NAALADL2: variants seen among roughly 807,000 people sequenced by gnomAD.
NAALADL2 encodes the protein N-acetylated alpha-linked acidic dipeptidase like 2, also known as inactive N-acetylated-alpha-linked acidic dipeptidase-like protein 2.
Under a neutral mutation model 87.2 loss-of-function variants are expected in NAALADL2, and 76 were observed. The ratio of observed to expected loss-of-function variants is 0.87; its 90% confidence interval spans 0.72 to 1.05. NAALADL2 has a LOEUF of 1.05. NAALADL2 is among the 50% of genes least tolerant of loss of function. The pLI, the probability that NAALADL2 is intolerant of heterozygous loss-of-function variation, is 0.00. For synonymous variants in NAALADL2, 354 were observed against 331.0 expected (o/e 1.07, Z -0.75); for missense variants, 1,089 against 945.8 (o/e 1.15, Z -1.99).
chr3:175,638,358 T>A (rs1474909195), intron 11 of NAALADL2, among the ~76,000 whole-genome samples: 1 of 152,216 alleles, frequency 6.6e-6, no homozygotes, highest in Non-Finnish European at 1.5e-5. Context: ...TCTTCAAAGA[T>A]AGAAGACTCA....
chr3:174,838,746 A>T (rs1240591513), intron 3 of NAALADL2, among the ~76,000 whole-genome samples: 2 of 152,118 alleles, frequency 1.3e-5, no homozygotes, highest in Non-Finnish European at 2.9e-5. Flanking sequence ...ATTTTACAAT[A>T]GCTGCAAAAA....
intron 10 of NAALADL2, among the ~76,000 whole-genome samples, chr3:175,606,377 A>G (rs944732077): frequency 7.4e-5 from 9 of 122,008 alleles, no homozygotes; most frequent in Non-Finnish European, 1.6e-4. Context: ...GTAAAGTCAG[A>G]GAAACTAGCC....
chr3:175,142,763 T>G (rs1219437826), intron 2 of NAALADL2, among the ~76,000 whole-genome samples: 1 of 152,018 alleles, frequency 6.6e-6, no homozygotes, highest in Non-Finnish European at 1.5e-5. Context: ...GGATGATAAA[T>G]CTTCCATTAA....
chr3:174,558,631 G>A (rs1713167582), intron 2 of NAALADL2, among the ~76,000 whole-genome samples: 1 of 152,002 alleles, frequency 6.6e-6, no homozygotes, highest in Admixed American at 6.6e-5. Context: ...ATCTGGCAGG[G>A]GGAGAAGCTC....
intron 10 of NAALADL2, among the ~76,000 whole-genome samples, chr3:175,611,199 A>G (rs1031959756): frequency 3.3e-5 from 5 of 152,102 alleles, no homozygotes; most frequent in Non-Finnish European, 5.9e-5. Flanking sequence ...ATGATTGTAT[A>G]GTTAGATGTG....
intron 1 of NAALADL2, among the ~76,000 whole-genome samples, chr3:174,544,025 A>G (rs1300025807): frequency 2.0e-5 from 3 of 151,934 alleles, no homozygotes; most frequent in Non-Finnish European, 4.4e-5. Flanking sequence ...AAAAAAAAGA[A>G]AAGAAAGGCT....
chr3:174,840,786 G>C (rs1404668400), intron 3 of NAALADL2, among the ~76,000 whole-genome samples: 1 of 152,048 alleles, frequency 6.6e-6, no homozygotes. Flanking sequence ...GCCACCGTAG[G>C]AAAGACAGCA....
Position 174,647,994 on chromosome 3 carries a change from T to G in NAALADL2, c.-114-89647T>G, listed in dbSNP as rs190952519. Among the ~76,000 whole-genome samples the G allele has an allele frequency of 4.4e-3, 671 of 152,254 alleles. 1 individual carries two copies. The highest frequency in any genetic ancestry group is 7.6e-3 in the Non-Finnish European group (515 of 68,018). On this transcript the variant is annotated intron_variant, in intron 2 of 3. Coordinates refer to the NAALADL2 transcript ENST00000434257. ...TTTCCTATGCAAACTATAGTCCTGT[T>G]ACACAAAAGTTAAAGGGTATTATGT... is the stretch of plus-strand genomic sequence containing the variant.
chr3:174,836,094 A>G (rs574987185), intron 3 of NAALADL2, among the ~76,000 whole-genome samples: 4 of 152,336 alleles, frequency 2.6e-5, no homozygotes, highest in Admixed American at 2.6e-4. Context: ...GAAGCAACCC[A>G]AAAGTCTATT....
At chr3:174,698,257 T>A (rs1255797802) in intron 2 of NAALADL2, among the ~76,000 whole-genome samples, 1 of 150,956 alleles carries the variant, frequency 6.6e-6, no homozygotes, top group Non-Finnish European at 1.5e-5. Context: ...TATTTTTTTT[T>A]ACCTGAAATA....
intron 1 of NAALADL2, among the ~76,000 whole-genome samples, chr3:174,442,395 T>TC (rs201110896): frequency 1.3e-5 from 2 of 151,638 alleles, no homozygotes; most frequent in African/African-American, 4.9e-5. Context: ...AGATTTTTTT[T>TC]CTCCTTTACA....
At chr3:175,197,750 A>G (rs1460037952) in intron 2 of NAALADL2, among the ~76,000 whole-genome samples, 1 of 152,218 alleles carries the variant, frequency 6.6e-6, no homozygotes, top group Non-Finnish European at 1.5e-5. Flanking sequence ...TGTGACAAAA[A>G]TATGAATTCA....
intron 9 of NAALADL2, among the ~76,000 whole-genome samples, chr3:175,482,057 C>T (rs1315310398): frequency 1.0e-5 from 1 of 95,300 alleles, no homozygotes; most frequent in African/African-American, 2.8e-5. Flanking sequence ...GCTTACAGTA[C>T]TATTGGGAAA....
At chr3:175,507,622 C>T (rs556714733) in intron 9 of NAALADL2, among the ~76,000 whole-genome samples, 36 of 152,206 alleles carry the variant, frequency 2.4e-4, no homozygotes, top group African/African-American at 7.9e-4. Context: ...TGGCGTTTCA[C>T]CATGTTGGCC....
intron 12 of NAALADL2, among the ~76,000 whole-genome samples, chr3:175,743,765 C>T (rs1189009939): frequency 1.3e-5 from 2 of 152,086 alleles, no homozygotes; most frequent in Non-Finnish European, 2.9e-5. Flanking sequence ...AAGTTGGATT[C>T]GTGAAAACGA....
chr3:174,445,985 G>A (rs566308010), intron 1 of NAALADL2, among the ~76,000 whole-genome samples: 18 of 152,146 alleles, frequency 1.2e-4, no homozygotes, highest in African/African-American at 4.3e-4. Context: ...TTTCTGTTTT[G>A]CACTGTTGCA....
intron 11 of NAALADL2, among the ~76,000 whole-genome samples, chr3:175,717,627 GC>G (rs1250619334): frequency 2.0e-5 from 3 of 150,556 alleles, no homozygotes; most frequent in Non-Finnish European, 4.4e-5. Flanking sequence ...GGAGGTAGAG[GC>G]CACAGTGACC....
At chr3:175,483,866 C>T (rs551410261) in intron 9 of NAALADL2, among the ~76,000 whole-genome samples, 1 of 152,134 alleles carries the variant, frequency 6.6e-6, no homozygotes, top group South Asian at 2.1e-4. Context: ...AGCATGTGCA[C>T]CCCAGGTCCT....
At chr3:175,657,864 C>T (rs951246005) in intron 11 of NAALADL2, among the ~76,000 whole-genome samples, 1 of 152,014 alleles carries the variant, frequency 6.6e-6, no homozygotes, top group Non-Finnish European at 1.5e-5. Context: ...GCGTGAGCCA[C>T]CGTGCCTGGC....
Sources: gnomAD v4.1 joint callset for allele counts (sites outside exome capture counted in the v4.1 genomes callset) on GRCh38, gnomAD v4.1.1 for gene constraint, MANE v1.5 for transcripts, NCBI Gene and HGNC (gene_info 2026-07-23, HGNC 2026-07-21) for gene names.